The following PIGN variants were observed in gnomAD, a reference collection of about 807,000 sequenced individuals.
PIGN encodes phosphatidylinositol glycan anchor biosynthesis class N.
PIGN carries 117 observed loss-of-function variants against 125.4 expected under a neutral mutation model. The ratio of observed to expected loss-of-function variants is 0.93; its 90% confidence interval spans 0.80 to 1.09. PIGN has a LOEUF of 1.09. Among genes scored for constraint, PIGN ranks in the 50% least tolerant of loss-of-function variants. PIGN has a pLI of 0.00. For missense variants in PIGN, 1,075 were observed against 1,094.9 expected, an observed-to-expected ratio of 0.98 and a Z score of 0.26; for synonymous variants, 392 against 377.8, an observed-to-expected ratio of 1.04 and a Z score of -0.44.
At chr18:62,150,610 G>C (rs546478188) in intron 7 of PIGN, among the ~76,000 whole-genome samples, 13 of 152,278 alleles carry the variant, frequency 8.5e-5, no homozygotes, top group African/African-American at 2.6e-4. Flanking sequence ...TATGATATAA[G>C]GTGCCTAGAG....
rs2035697812 is a variant in PIGN, at chr18:62,130,592, ATTG to A, written c.1172+7648_1172+7650del. On this transcript the variant is annotated intron_variant, in intron 14 of 30. Coordinates refer to ENST00000640252, the MANE Select transcript of PIGN (RefSeq NM_176787.5). ...AATCTGTGCACATTACTTTGCTGTAATTGTTACTATTCATTTTTTTAATGGTTA... is the reference window on the plus strand; with the variant it reads ...AATCTGTGCACATTACTTTGCTGTAATTACTATTCATTTTTTTAATGGTTA... 5.3e-5 allele frequency among the ~76,000 whole-genome samples: 8 copies of A among 152,230 alleles called. No individual in the cohort carries two copies. In the South Asian group the frequency reaches 1.7e-3, roughly 32 times the overall value.
intron 1 of PIGN, among the ~76,000 whole-genome samples, chr18:62,185,342 A>G (rs1331647065): frequency 1.3e-5 from 2 of 152,208 alleles, no homozygotes; most frequent in Admixed American, 6.5e-5. Context: ...AATATATGGC[A>G]CAGAAAACTA....
intron 14 of PIGN, among the ~76,000 whole-genome samples, chr18:62,125,875 A>T (rs1323277586): frequency 6.6e-6 from 1 of 152,114 alleles, no homozygotes; most frequent in Non-Finnish European, 1.5e-5. Context: ...AAACACAAAA[A>T]TCAGTGTTTT....
chr18:62,144,320 G>A (rs1568225086), intron 10 of PIGN, among the ~76,000 whole-genome samples: 1 of 152,078 alleles, frequency 6.6e-6, no homozygotes, highest in Non-Finnish European at 1.5e-5. Flanking sequence ...AGCTCCTATG[G>A]CAAACTGGAA....
chr18:62,037,984 T>G (rs1327998891), downstream of PIGN, among the ~76,000 whole-genome samples: 2 of 152,218 alleles, frequency 1.3e-5, no homozygotes, highest in African/African-American at 4.8e-5. Flanking sequence ...AATTTGTATT[T>G]TGTTTTGGAG....
rs781206226 is a variant in PIGN, at chr18:62,139,023, C to T, written c.1076G>A (p.Ser359Asn). 1.9e-6 allele frequency: 3 copies of T among 1,609,890 alleles called. No homozygotes were observed. The highest frequency in any genetic ancestry group is 8.5e-7 in the Non-Finnish European group (1 of 1,177,788). Residue 359 changes from serine to asparagine, a missense_variant, in exon 13 of 31, where the codon AGC becomes AAC. Ser to Asn is a conservative substitution (Grantham distance 46, BLOSUM62 1). Transcript: ENST00000640252. ...AATCTGTACTGCATTTGTAAACATG[C>T]TCTCTGCTTTGAAGAGATCAGTGTT... ...LNNTDLFKAESMFTNAVQILE... is the reference protein window; with the variant it reads ...LNNTDLFKAENMFTNAVQILE...
chr18:62,069,635 A>G (rs922973096), intron 30 of PIGN: 3 of 152,350 alleles, frequency 2.0e-5, no homozygotes, highest in Middle Eastern at 3.4e-3. Flanking sequence ...TGAGATACCC[A>G]GAGTCATCAA....
In PIGN at chr18:62,154,220, C is replaced by A; in HGVS notation, c.549+325G>T. 8.5e-6 allele frequency: 3 copies of A among 352,924 alleles called. No individual in the cohort carries two copies. The East Asian group carries it at 1.3e-4, about 16-fold the overall frequency. The allele number at this position is 352,924 out of a possible 1,614,324, so 21.9% of individuals were successfully genotyped here. On this transcript the variant is annotated intron_variant, in intron 7 of 30. Coordinates refer to ENST00000640252, the MANE Select transcript of PIGN (RefSeq NM_176787.5). The stretch of plus-strand genomic sequence containing the variant: ...TTTTCCCAAAGGCTTTCCTACATCT[C>A]ATATGGTCCATTACTACAAGAGTCT...
chr18:62,154,749 A>G, intron 6 of PIGN, 98 bp from the exon 7 acceptor site: 2 of 676,874 alleles, frequency 3.0e-6, no homozygotes, highest in South Asian at 3.4e-5. Context: ...GAGTAACCAG[A>G]ATTTTCACAA....
At chr18:62,023,424 A>G (rs991217901) in intron 23 of PIGN, among the ~76,000 whole-genome samples, 2 of 152,198 alleles carry the variant, frequency 1.3e-5, no homozygotes, top group African/African-American at 4.8e-5. Flanking sequence ...TTTATCAGTG[A>G]ATACAATTCC....
chr18:62,148,448 C>T (rs1415764609), intron 7 of PIGN, 110 bp from the exon 8 acceptor site: 12 of 731,778 alleles, frequency 1.6e-5, no homozygotes, highest in African/African-American at 5.6e-5. Flanking sequence ...AATTATCTCA[C>T]GTTGTTTAAA....
At chr18:62,166,921 G>A (rs1412172727) in intron 1 of PIGN, among the ~76,000 whole-genome samples, 1 of 152,112 alleles carries the variant, frequency 6.6e-6, no homozygotes, top group Non-Finnish European at 1.5e-5. Context: ...ACAAAAGAAG[G>A]GAGAGCATTA....
chr18:62,033,885 A>C (rs1171633133), intron 23 of PIGN, among the ~76,000 whole-genome samples: 3 of 152,236 alleles, frequency 2.0e-5, no homozygotes, highest in Admixed American at 2.0e-4. Context: ...CTAAGTCATA[A>C]GTGCATTGAG....
intron 17 of PIGN, among the ~76,000 whole-genome samples, chr18:62,108,797 A>T (rs1279786414): frequency 1.3e-5 from 2 of 152,146 alleles, no homozygotes; most frequent in Admixed American, 6.5e-5. Context: ...CATGTTGGTC[A>T]GGCTGGTCTC....
chr18:62,165,254 A>G (rs546738351), intron 1 of PIGN, among the ~76,000 whole-genome samples: 1 of 152,306 alleles, frequency 6.6e-6, no homozygotes, highest in East Asian at 1.9e-4. Context: ...CTGCCATGTT[A>G]TAACAAAGCA....
intron 1 of PIGN, among the ~76,000 whole-genome samples, chr18:62,181,411 T>C (rs1298495368): frequency 6.6e-6 from 1 of 152,186 alleles, no homozygotes; most frequent in African/African-American, 2.4e-5. Flanking sequence ...TTAAACCTTA[T>C]TGTCATTACT....
chr18:62,122,204 C>G (rs1211473071), intron 14 of PIGN, among the ~76,000 whole-genome samples: 1 of 151,976 alleles, frequency 6.6e-6, no homozygotes, highest in East Asian at 1.9e-4. Context: ...TTAAAAAGAT[C>G]CTGGTGTACA....
chr18:62,030,230 G>T (rs1469043678), intron 23 of PIGN, among the ~76,000 whole-genome samples: 1 of 152,210 alleles, frequency 6.6e-6, no homozygotes, highest in Non-Finnish European at 1.5e-5. Flanking sequence ...TCTTGTGATG[G>T]TGTCAGGCCC....
intron 10 of PIGN, among the ~76,000 whole-genome samples, chr18:62,143,600 T>C (rs528302100): frequency 6.6e-6 from 1 of 152,182 alleles, no homozygotes; most frequent in Non-Finnish European, 1.5e-5. Context: ...GGGAGATAAT[T>C]GTTTCAAAAC....
Sources: allele counts gnomAD v4.1 joint callset (sites outside exome capture counted in the v4.1 genomes callset), GRCh38; gene constraint gnomAD v4.1.1; transcripts MANE v1.5; gene names NCBI Gene and HGNC (gene_info 2026-07-23, HGNC 2026-07-21).